The following AGBL4 variants were observed in gnomAD, a reference collection of about 807,000 sequenced individuals.
AGBL4 encodes the protein cytosolic carboxypeptidase 6.
In AGBL4, 58 loss-of-function variants were observed where a neutral mutation model predicts 66.4. The observed-to-expected ratio is 0.87, with a 90% CI of 0.71 to 1.09. The LOEUF (loss-of-function observed/expected upper bound fraction) is 1.09. AGBL4 is among the 50% of genes least tolerant of loss of function. The pLI is 0.00. For synonymous variants in AGBL4, 234 were observed against 222.9 expected (o/e 1.05, Z -0.44); for missense variants, 579 against 631.0 (o/e 0.92, Z 0.88).
In AGBL4 at chr1:48,635,039, C is replaced by T. The variant is rs558271385; in HGVS notation, c.840-435G>A. Reference sequence around the variant, plus strand: ...CTTCAAAATACACCATAACCCAACACCTTTTTACCACTTCCTCTGGTATTA... The same window carrying T: ...CTTCAAAATACACCATAACCCAACATCTTTTTACCACTTCCTCTGGTATTA... On this transcript the variant is annotated intron_variant, in intron 8 of 13. Coordinates refer to ENST00000371839, the MANE Select transcript of AGBL4 (RefSeq NM_032785.4). 6.6e-5 allele frequency among the ~76,000 whole-genome samples: 10 copies of T among 152,312 alleles called. No individual in the cohort carries two copies. In the South Asian group the frequency reaches 2.1e-3, roughly 32 times the overall value.
intron 1 of AGBL4, among the ~76,000 whole-genome samples, chr1:49,981,847 A>C (rs1227458626): frequency 6.6e-6 from 1 of 152,164 alleles, no homozygotes; most frequent in Non-Finnish European, 1.5e-5. Flanking sequence ...TGGCTCTTTT[A>C]TCTATTTTGT....
intron 5 of AGBL4, among the ~76,000 whole-genome samples, chr1:48,907,509 CA>C (rs1187645595): frequency 2.0e-5 from 3 of 151,940 alleles, no homozygotes; most frequent in South Asian, 2.1e-4. Flanking sequence ...TGGAGCAAGC[CA>C]GGGGGGAAAG....
intron 3 of AGBL4, among the ~76,000 whole-genome samples, chr1:49,609,058 G>A (rs1645108910): frequency 6.6e-6 from 1 of 152,138 alleles, no homozygotes; most frequent in Non-Finnish European, 1.5e-5. Flanking sequence ...TGATGCTACT[G>A]TCATTTCTGC....
At chr1:49,500,883 T>TTCAG (rs1360050346) in intron 3 of AGBL4, among the ~76,000 whole-genome samples, 1 of 151,986 alleles carries the variant, frequency 6.6e-6, no homozygotes, top group African/African-American at 2.4e-5. Flanking sequence ...TCCATATGAA[T>TTCAG]TTTAGGATTC....
At chr1:50,010,064 T>G (rs1003038603) in intron 1 of AGBL4, among the ~76,000 whole-genome samples, 8 of 152,104 alleles carry the variant, frequency 5.3e-5, no homozygotes, top group Non-Finnish European at 1.5e-5. Flanking sequence ...TCCCTGCACT[T>G]TGGGAGGTGG....
At chr1:48,803,061 A>G (rs542824867) in intron 6 of AGBL4, among the ~76,000 whole-genome samples, 2 of 152,308 alleles carry the variant, frequency 1.3e-5, no homozygotes, top group South Asian at 2.1e-4. Flanking sequence ...GAGCTTGATT[A>G]TTCCCACTAG....
At chr1:49,364,369 A>T (rs1392663995) in intron 3 of AGBL4, among the ~76,000 whole-genome samples, 2 of 152,176 alleles carry the variant, frequency 1.3e-5, no homozygotes, top group Admixed American at 1.3e-4. Context: ...TCTAATCCTC[A>T]ATTATTTAAT....
chr1:49,864,032 G>GA (rs778672728), intron 1 of AGBL4, among the ~76,000 whole-genome samples: 2 of 152,072 alleles, frequency 1.3e-5, no homozygotes, highest in Non-Finnish European at 2.9e-5. Context: ...CAGATGAATG[G>GA]ATAAAGAAAA....
intron 5 of AGBL4, among the ~76,000 whole-genome samples, chr1:49,018,159 C>T (rs756657316): frequency 4.6e-5 from 7 of 152,196 alleles, no homozygotes; most frequent in Non-Finnish European, 8.8e-5. Context: ...CCACTTCCAC[C>T]TGGAAGATTA....
chr1:49,912,281 C>A (rs1228867974), intron 1 of AGBL4, among the ~76,000 whole-genome samples: 1 of 152,148 alleles, frequency 6.6e-6, no homozygotes, highest in Non-Finnish European at 1.5e-5. Context: ...CACAGCAAAT[C>A]CTGAGAGGGA....
chr1:49,862,479 G>A (rs939183488), intron 1 of AGBL4, among the ~76,000 whole-genome samples: 9 of 151,920 alleles, frequency 5.9e-5, no homozygotes, highest in East Asian at 1.9e-4. Flanking sequence ...TGTATTCAAA[G>A]GAATAACACC....
At chr1:49,270,996 T>C (rs1348259211) in intron 3 of AGBL4, among the ~76,000 whole-genome samples, 2 of 152,172 alleles carry the variant, frequency 1.3e-5, no homozygotes, top group African/African-American at 4.8e-5. Context: ...CTGCCAGCTG[T>C]GGGTTTCCTA....
intron 11 of AGBL4, among the ~76,000 whole-genome samples, chr1:48,555,972 T>C (rs994478500): frequency 1.3e-5 from 2 of 152,138 alleles, no homozygotes; most frequent in Non-Finnish European, 2.9e-5. Flanking sequence ...AGGTGGCTCC[T>C]AGAAGGCAGG....
Position 49,959,337 on chromosome 1 carries a change from T to C in AGBL4, c.34+64426A>G, listed in dbSNP as rs114058032. 2.3e-3 allele frequency among the ~76,000 whole-genome samples: 344 copies of C among 151,960 alleles called. 3 individuals are homozygous for C. Among genetic ancestry groups the C allele is most frequent in the African/African-American group, 7.8e-3 (325 of 41,468 alleles). On this transcript the variant is annotated intron_variant, in intron 1 of 13. Transcript: ENST00000371839. ...CAAGGATTTCGCAGGTAAAAAGAAA[T>C]AGAGACAAGGAGAAAAGAAAAATCA... is the stretch of plus-strand genomic sequence containing the variant.
intron 1 of AGBL4, among the ~76,000 whole-genome samples, chr1:49,924,867 G>A (rs1470519153): frequency 6.6e-6 from 1 of 152,130 alleles, no homozygotes; most frequent in Non-Finnish European, 1.5e-5. Flanking sequence ...GCAACTGGGG[G>A]ATACTGCATT....
chr1:48,831,786 A>C (rs1646558875), intron 6 of AGBL4, among the ~76,000 whole-genome samples: 1 of 152,216 alleles, frequency 6.6e-6, no homozygotes, highest in South Asian at 2.1e-4. Flanking sequence ...AAACTCACTG[A>C]ATGAATAAAC....
intron 2 of AGBL4, among the ~76,000 whole-genome samples, chr1:49,797,559 C>T (rs1644760499): frequency 6.6e-6 from 1 of 152,026 alleles, no homozygotes; most frequent in South Asian, 2.1e-4. Flanking sequence ...TGTCAATCTC[C>T]CAAGGATCTA....
At chr1:49,575,215 C>G (rs903407230) in intron 3 of AGBL4, among the ~76,000 whole-genome samples, 18 of 152,182 alleles carry the variant, frequency 1.2e-4, no homozygotes, top group African/African-American at 4.3e-4. Context: ...TTGTCATCCT[C>G]CAGTTAAAGT....
rs574485548 is a variant in AGBL4, at chr1:49,835,042, T to C, written c.157+16354A>G. 6.6e-5 allele frequency among the ~76,000 whole-genome samples: 10 copies of C among 152,354 alleles called. No individual in the cohort carries two copies. In the East Asian group the frequency reaches 1.7e-3, roughly 26 times the overall value. The stretch of plus-strand genomic sequence containing the variant: ...GTGATATGGTGCTGAGAAGAATGTA[T>C]ATTCTATTGATTTGGGGTGGAGAGT... On this transcript the variant is annotated intron_variant, in intron 2 of 13. Transcript: ENST00000371839.
Sources: gnomAD v4.1 joint callset for allele counts (sites outside exome capture counted in the v4.1 genomes callset) on GRCh38, gnomAD v4.1.1 for gene constraint, MANE v1.5 for transcripts, NCBI Gene and HGNC (gene_info 2026-07-23, HGNC 2026-07-21) for gene names.